CDC37L1: variants seen among roughly 807,000 people sequenced by gnomAD.
CDC37L1 encodes cell division cycle 37 like 1, HSP90 cochaperone, also known as hsp90 co-chaperone Cdc37-like 1.
In CDC37L1, 32 loss-of-function variants were observed where a neutral mutation model predicts 45.9. The ratio of observed to expected loss-of-function variants is 0.70; its 90% confidence interval spans 0.53 to 0.94. The LOEUF (loss-of-function observed/expected upper bound fraction) is 0.94, where lower values mean the gene tolerates loss of function less well. Among genes scored for constraint, CDC37L1 ranks in the 40% least tolerant of loss-of-function variants. CDC37L1 has a pLI of 0.00. For missense variants in CDC37L1, 434 were observed against 405.7 expected, an observed-to-expected ratio of 1.07 and a Z score of -0.60; for synonymous variants, 150 against 133.0, an observed-to-expected ratio of 1.13 and a Z score of -0.88.
chr9:4,697,939 T>C, intron 5 of CDC37L1, 60 bp downstream of exon 5: 2 of 1,533,430 alleles, frequency 1.3e-6, no homozygotes, highest in Non-Finnish European at 9.0e-7. Context: ...GACCTCTTTG[T>C]TCTGTTCATA....
chr9:4,703,310 C>T (rs1841416704), intron 6 of CDC37L1: 1 of 388,126 alleles, frequency 2.6e-6, no homozygotes, highest in South Asian at 1.4e-4. Context: ...CATATTTACC[C>T]CAGTCAAAAA....
intron 5 of CDC37L1, among the ~76,000 whole-genome samples, chr9:4,698,415 C>T (rs938304359): frequency 6.7e-6 from 1 of 149,524 alleles, no homozygotes; most frequent in South Asian, 2.2e-4. Context: ...GAAATGCTTA[C>T]GCTATGAATT....
At chr9:4,683,062 T>A (rs1000442198) in intron 1 of CDC37L1, among the ~76,000 whole-genome samples, 1 of 144,442 alleles carries the variant, frequency 6.9e-6, no homozygotes, top group Non-Finnish European at 1.5e-5. Flanking sequence ...AAATATATTT[T>A]AAAATATACT....
intron 3 of CDC37L1, among the ~76,000 whole-genome samples, chr9:4,690,787 A>G (rs1841293219): frequency 6.6e-6 from 1 of 152,234 alleles, no homozygotes; most frequent in Admixed American, 6.5e-5. Flanking sequence ...TTTAACTTCA[A>G]AGGAGATATA....
chr9:4,697,791 C>G lies in CDC37L1; in HGVS notation c.659C>G (p.Ala220Gly). The G allele has an allele frequency of 6.4e-7, 1 of 1,557,636 alleles. No homozygotes were observed. Among genetic ancestry groups the G allele is most frequent in the Non-Finnish European group, 8.9e-7 (1 of 1,129,666 alleles). The change falls in exon 5 of 7, where the codon GCT becomes GGT. Residue 220 changes from alanine (A) to glycine (G), a missense_variant. Ala to Gly is a moderately conservative substitution (Grantham distance 60). Transcript: ENST00000381854. ...TTAATGGAACAAATAGCACATCAAG[C>G]TGTTGTAATGCAGTTTATTATGGAA... ...GALMEQIAHQAVVMQFIMEMA... is the reference protein window; with the variant it reads ...GALMEQIAHQGVVMQFIMEMA...
chr9:4,679,623 T>C lies in CDC37L1; in HGVS notation c.-145T>C. 1 of 686,500 alleles carries C rather than the reference T, an allele frequency of 1.5e-6. No individual in the cohort carries two copies. Among genetic ancestry groups the C allele is most frequent in the Non-Finnish European group, 2.3e-6 (1 of 430,112 alleles). 42.5% of individuals were successfully genotyped at this position (686,500 alleles called of 1,614,324 possible). A position where few individuals can be genotyped will look rare whatever the true frequency, so the allele number is the denominator to read the frequency against. On this transcript the variant is annotated 5_prime_UTR_variant, in exon 1 of 7. Transcript: ENST00000381854. ...GGCTGTCGCCGGGTGTGCAGCGGCG[T>C]CGCGGCCAGTAGAGGGATTCTGGGT...
At chr9:4,681,887 A>C (rs943642248) in intron 1 of CDC37L1, among the ~76,000 whole-genome samples, 1 of 152,154 alleles carries the variant, frequency 6.6e-6, no homozygotes, top group African/African-American at 2.4e-5. Context: ...AATTAATGTA[A>C]AGGCAGATCA....
At chr9:4,697,618 C>G (rs960868977) in intron 4 of CDC37L1, 139 bp from the exon 5 acceptor site, 21 of 553,988 alleles carry the variant, frequency 3.8e-5, no homozygotes, top group Non-Finnish European at 5.3e-5. Context: ...AAGATATACT[C>G]TTTATATGTT....
chr9:4,691,040 C>T lies in CDC37L1; in HGVS notation c.508+2434C>T, dbSNP rs1025471961. Among the ~76,000 whole-genome samples, 3 of 152,174 alleles carry T rather than the reference C, an allele frequency of 2.0e-5. No homozygotes were observed. The East Asian group carries it at 5.8e-4, about 29-fold the overall frequency. On this transcript the variant is annotated intron_variant, in intron 3 of 6. Transcript: ENST00000381854. ...GCACAGAGTTGATAGAGGTGTGACACAAGACAGTGAAAATTTGTGGCTATG... is the reference window on the plus strand; with the variant it reads ...GCACAGAGTTGATAGAGGTGTGACATAAGACAGTGAAAATTTGTGGCTATG...
chr9:4,686,169 A>G (rs549122265), intron 2 of CDC37L1, among the ~76,000 whole-genome samples: 3 of 152,072 alleles, frequency 2.0e-5, no homozygotes, highest in Admixed American at 1.3e-4. Context: ...ACACATCTCA[A>G]ACTTCTTAAT....
intron 3 of CDC37L1, among the ~76,000 whole-genome samples, chr9:4,692,363 G>T (rs756459028): frequency 6.6e-6 from 1 of 151,364 alleles, no homozygotes; most frequent in African/African-American, 2.4e-5. Context: ...TCCGCCTCCC[G>T]GGTTCAAGCG....
intron 2 of CDC37L1, among the ~76,000 whole-genome samples, chr9:4,686,999 T>A (rs1841253225): frequency 6.6e-6 from 1 of 152,244 alleles, no homozygotes; most frequent in African/African-American, 2.4e-5. Flanking sequence ...ATCTGTTTCT[T>A]TTTGCTTTTT....
At chr9:4,705,222 G>A (rs1284527046) in intron 6 of CDC37L1, among the ~76,000 whole-genome samples, 3 of 152,140 alleles carry the variant, frequency 2.0e-5, no homozygotes, top group African/African-American at 7.2e-5. Flanking sequence ...AATACAAGTG[G>A]TAAAAGTCTT....
At chr9:4,702,651 A>C (rs1841409314) in intron 6 of CDC37L1, among the ~76,000 whole-genome samples, 1 of 151,914 alleles carries the variant, frequency 6.6e-6, no homozygotes, top group Non-Finnish European at 1.5e-5. Context: ...GAAGGCCGAG[A>C]CAGGCAGATC....
At chr9:4,687,736 G>C (rs1841263567) in intron 2 of CDC37L1, among the ~76,000 whole-genome samples, 1 of 147,078 alleles carries the variant, frequency 6.8e-6, no homozygotes, top group African/African-American at 2.5e-5. Flanking sequence ...TCTTGTTTAT[G>C]TCTTAATAAA....
intron 3 of CDC37L1, among the ~76,000 whole-genome samples, chr9:4,694,324 CCTG>C (rs1841327306): frequency 6.6e-6 from 1 of 152,136 alleles, no homozygotes; most frequent in Non-Finnish European, 1.5e-5. Flanking sequence ...AGGTGATTCT[CCTG>C]CCTTGGCCTC....
chr9:4,691,373 G>C (rs1295272074), intron 3 of CDC37L1, among the ~76,000 whole-genome samples: 1 of 152,140 alleles, frequency 6.6e-6, no homozygotes, highest in Non-Finnish European at 1.5e-5. Context: ...CCCTTTATGT[G>C]TGCATGTATT....
intron 5 of CDC37L1, among the ~76,000 whole-genome samples, chr9:4,699,744 C>G (rs1213158994): frequency 1.3e-5 from 2 of 151,940 alleles, no homozygotes; most frequent in Non-Finnish European, 2.9e-5. Flanking sequence ...TTTCTAGGAT[C>G]CTAGTAATGA....
chr9:4,685,126 A>G lies in CDC37L1; in HGVS notation c.382A>G (p.Thr128Ala), dbSNP rs528961924. The change falls in exon 2 of 7, where the codon ACG becomes GCG. Residue 128 changes from threonine to alanine, a missense_variant. Thr to Ala is a moderately conservative substitution (Grantham distance 58, BLOSUM62 0). Coordinates refer to ENST00000381854, the MANE Select transcript of CDC37L1 (RefSeq NM_017913.4). ...VQREKMCLWS[T>A]DAISKDVFNK... ...AAGAGAGAAGATGTGTCTGTGGAGC[A>G]CGGATGCCATTAGCAAGGATGTTTT... The G allele has an allele frequency of 1.9e-6, 3 of 1,613,950 alleles. No individual in the cohort carries two copies. Among genetic ancestry groups the G allele is most frequent in the Non-Finnish European group, 2.5e-6 (3 of 1,179,808 alleles).
Sources: allele counts gnomAD v4.1 joint callset (sites outside exome capture counted in the v4.1 genomes callset), GRCh38; gene constraint gnomAD v4.1.1; transcripts MANE v1.5; gene names NCBI Gene and HGNC (gene_info 2026-07-23, HGNC 2026-07-21).